Variants in ITIH1 observed in about 807,000 individuals in gnomAD.
ITIH1 encodes inter-alpha-trypsin inhibitor heavy chain H1.
A neutral mutation model predicts 104.6 loss-of-function variants in ITIH1; 94 were observed. The observed-to-expected ratio is 0.90, with a 90% CI of 0.76 to 1.07. ITIH1 has a LOEUF of 1.07. ITIH1 is among the 50% of genes least tolerant of loss of function. The pLI is 0.00. For missense variants in ITIH1, 1,193 were observed against 1,181.4 expected (o/e 1.01, Z -0.14); for synonymous variants, 455 against 464.4 (o/e 0.98, Z 0.26).
At chr3:52,780,499 C>A in intron 6 of ITIH1, 117 bp downstream of exon 6, 1 of 670,368 alleles carries the variant, frequency 1.5e-6, no homozygotes, top group East Asian at 2.8e-5. Context: ...GGTCTGCCCT[C>A]AGGATGAGAG....
In ITIH1 at chr3:52,791,806, G is replaced by A. The variant is rs1559467383; in HGVS notation, c.2631G>A (p.Lys877=). The change falls in exon 22 of 22, where the codon AAG becomes AAA. Residue 877 remains lysine (K), a synonymous_variant. Coordinates refer to ENST00000273283, the MANE Select transcript of ITIH1 (RefSeq NM_002215.4). ...GGGGTTTGCAAAAAGACTACAGCAA[G>A]GACCCGTGGCATGGGGCCGAGGTGT... is the stretch of plus-strand genomic sequence containing the variant. ...VTRGLQKDYS[K]DPWHGAEVSC... 1 of 1,613,952 alleles carries A rather than the reference G, an allele frequency of 6.2e-7. No individual in the cohort carries two copies.
intron 3 of ITIH1, 176 bp from the exon 4 acceptor site, chr3:52,778,766 C>T (rs1226850953): frequency 7.5e-6 from 9 of 1,205,386 alleles, no homozygotes; most frequent in Admixed American, 2.6e-5. Context: ...AGGCTTCTTG[C>T]TGGCCTCTGA....
chr3:52,787,675 T>C (rs1699237060), intron 16 of ITIH1, 63 bp downstream of exon 16: 5 of 1,557,146 alleles, frequency 3.2e-6, no homozygotes, highest in African/African-American at 1.4e-5. Flanking sequence ...CCCCGTTGGC[T>C]TTCTTCCTCC....
chr3:52,778,680 T>C, intron 3 of ITIH1, 174 bp downstream of exon 3: 2 of 1,444,296 alleles, frequency 1.4e-6, no homozygotes, highest in East Asian at 5.0e-5. Context: ...TGTGCTTGGC[T>C]CCCATCTTGG....
intron 10 of ITIH1, 150 bp from the exon 11 acceptor site, chr3:52,784,146 C>A: frequency 1.5e-6 from 1 of 664,520 alleles, no homozygotes. Context: ...CCAGGAGAGC[C>A]AGGAGGACGC....
In ITIH1 at chr3:52,779,955, G is replaced by C. The variant is rs187151675; in HGVS notation, c.574-314G>C. ...CTGGCACCTAAGTGGTGGCTGAGTT[G>C]AGGGATGCAGGCATGTACACCTTCA... On this transcript the variant is annotated intron_variant, in intron 5 of 21. Coordinates refer to ENST00000273283, the MANE Select transcript of ITIH1 (RefSeq NM_002215.4). The surrounding 1 kb of genome is among the most constrained non-coding windows in gnomAD (Gnocchi z 4.4). 15 of 1,383,576 alleles carry C rather than the reference G, an allele frequency of 1.1e-5. No individual in the cohort carries two copies. The East Asian group carries it at 3.7e-4, about 34-fold the overall frequency. The allele number at this position is 1,383,576 out of a possible 1,614,324, so 85.7% of individuals were successfully genotyped here.
At position 52,791,846 on chromosome 3, in the gene ITIH1, C is replaced by A; in HGVS notation, c.2671C>A (p.His891Asn). The part of the protein sequence containing the change: ...HGAEVSCWFI[H>N]NNGAGLIDGA... ...GGCCGAGGTGTCCTGCTGGTTCATT[C>A]ACAACAATGGGGCTGGACTCATCGA... is the stretch of plus-strand genomic sequence containing the variant. Residue 891 changes from histidine to asparagine, a missense_variant, in exon 22 of 22, where the codon CAC becomes AAC. By Grantham distance (68) the His-to-Asn change is moderately conservative (BLOSUM62 1). Coordinates refer to ENST00000273283, the MANE Select transcript of ITIH1 (RefSeq NM_002215.4). 1 of 1,614,184 alleles carries A rather than the reference C, an allele frequency of 6.2e-7. No individual in the cohort carries two copies. The highest frequency in any genetic ancestry group is 8.5e-7 in the Non-Finnish European group (1 of 1,180,010).
chr3:52,790,669 G>T, intron 19 of ITIH1, 80 bp from the exon 20 acceptor site: 1 of 1,442,490 alleles, frequency 6.9e-7, no homozygotes, highest in Non-Finnish European at 9.6e-7. Flanking sequence ...ATAAGGGTTG[G>T]GTCCCAGATG....
At chr3:52,782,460 A>C (rs1699084275) in intron 8 of ITIH1, among the ~76,000 whole-genome samples, 193 bp downstream of exon 8, 1 of 152,240 alleles carries the variant, frequency 6.6e-6, no homozygotes, top group Non-Finnish European at 1.5e-5. Flanking sequence ...GTCGTGAGGA[A>C]GTGCATTCAC....
intron 1 of ITIH1, 76 bp downstream of exon 1, chr3:52,777,808 A>G: frequency 7.1e-7 from 1 of 1,409,914 alleles, no homozygotes; most frequent in Non-Finnish European, 9.9e-7. Flanking sequence ...CAAGACCCCC[A>G]TTCAAGGGGC....
intron 20 of ITIH1, 22 bp downstream of exon 20, chr3:52,790,943 G>A (rs1032017483): frequency 2.6e-5 from 41 of 1,584,958 alleles, no homozygotes; most frequent in Non-Finnish European, 3.5e-5. Context: ...CAGGCTGGCA[G>A]GGCTGTGGGG....
chr3:52,781,833 G>T (rs569245867), intron 6 of ITIH1, 107 bp from the exon 7 acceptor site: 3 of 1,440,098 alleles, frequency 2.1e-6, no homozygotes, highest in East Asian at 4.6e-5. Context: ...TTCTCTGTCC[G>T]TGCAAACACA....
rs771570950 is a variant in ITIH1 at position 52,778,504 on chromosome 3, C to T, written c.303C>T (p.Ala101=). The change falls in exon 3 of 22, where the codon GCC becomes GCT. Residue 101 remains alanine (A), a splice_region_variant and synonymous_variant. Transcript: ENST00000273283. ...AGACAGCATTCATCAGTGACTTTGC[C>T]GTGTGCGTGCCTGCCCAACTCCCAT... ...IPKTAFISDF[A]VTADGNAFIG... is the part of the protein sequence containing the mutation. The T allele has an allele frequency of 1.1e-5, 18 of 1,614,026 alleles. No homozygotes were observed. The highest frequency in any genetic ancestry group is 1.6e-4 in the Middle Eastern group (1 of 6,066).
rs374988129 is a variant in ITIH1, at chr3:52,779,049, G to A, written c.410+3G>A. 25 of 1,601,018 alleles carry A rather than the reference G, an allele frequency of 1.6e-5. No individual in the cohort carries two copies. Among genetic ancestry groups the A allele is most frequent in the Non-Finnish European group, 2.0e-5 (23 of 1,168,206 alleles). On this transcript the variant is annotated splice_donor_region_variant and intron_variant, in intron 4 of 21. Transcript: ENST00000273283. This position sits in a 1 kb window ranked among gnomAD's most constrained non-coding sequence, Gnocchi z 4.4. Reference sequence around the variant, plus strand: ...GGAGAGAATGCCGGCCTTGTCAGGTGAGTTCTGGGCCTGCTGGTCTCATCT... The same window carrying A: ...GGAGAGAATGCCGGCCTTGTCAGGTAAGTTCTGGGCCTGCTGGTCTCATCT...
chr3:52,787,332 C>T (rs982941630), intron 15 of ITIH1, 130 bp downstream of exon 15: 1 of 1,341,008 alleles, frequency 7.5e-7, no homozygotes, highest in Non-Finnish European at 1.1e-6. Context: ...GTTCTTCCGT[C>T]CCCTGAGCCG....
chr3:52,779,132 A>G lies in ITIH1; in HGVS notation c.410+86A>G. 2 of 954,910 alleles carry G rather than the reference A, an allele frequency of 2.1e-6. No individual in the cohort carries two copies. 59.2% of individuals were successfully genotyped at this position (954,910 alleles called of 1,614,324 possible). A position where few individuals can be genotyped will look rare whatever the true frequency, so the allele number is the denominator to read the frequency against. ...GATGGCTGCAAGGTGGCTTTAGTGG[A>G]GAACAGCCCAGGATGATGGAAGGGT... On this transcript the variant is annotated intron_variant, in intron 4 of 21. Transcript: ENST00000273283. This position sits in a 1 kb window ranked among gnomAD's most constrained non-coding sequence, Gnocchi z 4.4.
chr3:52,791,721 C>G, intron 21 of ITIH1, 61 bp from the exon 22 acceptor site: 1 of 1,606,208 alleles, frequency 6.2e-7, no homozygotes, highest in Admixed American at 1.7e-5. Flanking sequence ...GGGTGAGCTT[C>G]CTGGGGAGGT....
Position 52,791,510 on chromosome 3 carries a change from T to C in ITIH1, c.2495-7T>C, listed in dbSNP as rs1281552595. On this transcript the variant is annotated splice_region_variant and splice_polypyrimidine_tract_variant and intron_variant, in intron 20 of 21. Transcript: ENST00000273283. ...TGGTAACCGCTGTCTCCAATGTGCC[T>C]TTCTAGGGCAATTTTTCCACCCCAT... is the stretch of plus-strand genomic sequence containing the variant. The C allele has an allele frequency of 6.2e-7, 1 of 1,612,634 alleles. No individual in the cohort carries two copies. Among genetic ancestry groups the C allele is most frequent in the Non-Finnish European group, 8.5e-7 (1 of 1,178,988 alleles).
rs772969425 is a variant in ITIH1 at position 52,787,012 on chromosome 3, G to A, written c.1801G>A (p.Gly601Arg). 1.2e-6 allele frequency: 2 copies of A among 1,614,190 alleles called. No homozygotes were observed. Among genetic ancestry groups the A allele is most frequent in the Non-Finnish European group, 1.7e-6 (2 of 1,180,020 alleles). ...GGCCCTGCAGATGTCGCTGGACTAT[G>A]GGTTTGTGACCCCACTGACCTCCAT... ...SQALQMSLDYGFVTPLTSMSI... is the reference protein window; with the variant it reads ...SQALQMSLDYRFVTPLTSMSI... The change falls in exon 14 of 22, where the codon GGG becomes AGG. Residue 601 changes from glycine to arginine, a missense_variant. Transcript: ENST00000273283.
Sources: gnomAD v4.1 joint callset for allele counts (sites outside exome capture counted in the v4.1 genomes callset) on GRCh38, gnomAD v4.1.1 for gene constraint, Gnocchi (gnomAD v3.1) non-coding constraint, MANE v1.5 for transcripts, NCBI Gene and HGNC (gene_info 2026-07-23, HGNC 2026-07-21) for gene names.